EYS: variants seen among roughly 807,000 people sequenced by gnomAD.
EYS encodes EGF-like photoreceptor maintenance factor.
In EYS, 250 loss-of-function variants were observed where a neutral mutation model predicts 282.1. The ratio of observed to expected loss-of-function variants is 0.89; its 90% CI spans 0.80 to 0.98. The LOEUF (loss-of-function observed/expected upper bound fraction) is 0.98. Ranked by LOEUF, EYS falls within the 50% of genes least tolerant of loss-of-function variation. The pLI, the probability that EYS is intolerant of heterozygous loss-of-function variation, is 0.00. For missense variants in EYS, 4,016 were observed against 3,709.0 expected, an observed-to-expected ratio of 1.08 and a Z score of -2.15; for synonymous variants, 1,355 against 1,282.9, an observed-to-expected ratio of 1.06 and a Z score of -1.20.
chr6:63,894,440 A>G (rs1479210667), intron 35 of EYS, among the ~76,000 whole-genome samples: 1 of 152,214 alleles, frequency 6.6e-6, no homozygotes, highest in Non-Finnish European at 1.5e-5. Context: ...GGATGCCAGC[A>G]GCCACAAGAA....
chr6:64,662,682 T>C lies in EYS; in HGVS notation c.3444-36437A>G, dbSNP rs541027582. Among the ~76,000 whole-genome samples, 3 of 152,324 alleles carry C rather than the reference T, an allele frequency of 2.0e-5. No individual in the cohort carries two copies. The South Asian group carries it at 6.2e-4, about 32-fold the overall frequency. ...TTAGCCTTGCTTCGCTCATAGATTT[T>C]TTTTGTTTAGACTATGTTTTAGGTT... On this transcript the variant is annotated intron_variant, in intron 22 of 42. Transcript: ENST00000503581.
chr6:63,977,581 T>C (rs1490038008), intron 35 of EYS, among the ~76,000 whole-genome samples: 2 of 151,904 alleles, frequency 1.3e-5, no homozygotes, highest in Non-Finnish European at 2.9e-5. Flanking sequence ...GGTGAGGGGA[T>C]GTCAGCAGGT....
chr6:64,601,904 G>T (rs1373907216), intron 24 of EYS, among the ~76,000 whole-genome samples: 1 of 152,016 alleles, frequency 6.6e-6, no homozygotes, highest in East Asian at 1.9e-4. Context: ...TACAGGACAA[G>T]ATCTTTTCCT....
At chr6:65,408,582 T>C (rs1391067303) in intron 5 of EYS, among the ~76,000 whole-genome samples, 3 of 152,158 alleles carry the variant, frequency 2.0e-5, no homozygotes, top group Non-Finnish European at 2.9e-5. Context: ...TCACTTCCAA[T>C]GCTTATTTTA....
chr6:64,350,582 T>A (rs890134785), intron 29 of EYS, among the ~76,000 whole-genome samples: 2 of 151,470 alleles, frequency 1.3e-5, no homozygotes, highest in Non-Finnish European at 3.0e-5. Context: ...ACACTATCCC[T>A]CTCAAGTCTC....
chr6:65,444,844 A>G (rs1768591658), intron 5 of EYS, among the ~76,000 whole-genome samples: 1 of 152,116 alleles, frequency 6.6e-6, no homozygotes, highest in Non-Finnish European at 1.5e-5. Flanking sequence ...ATTTATACTT[A>G]GATGCTAGAA....
chr6:65,313,153 G>C (rs1326475153), intron 11 of EYS, among the ~76,000 whole-genome samples: 2 of 152,084 alleles, frequency 1.3e-5, no homozygotes, highest in Non-Finnish European at 2.9e-5. Flanking sequence ...TTTCCCCATA[G>C]GTAGGGCTGG....
intron 1 of EYS, among the ~76,000 whole-genome samples, chr6:65,683,929 T>C (rs1260944414): frequency 6.6e-6 from 1 of 152,072 alleles, no homozygotes; most frequent in African/African-American, 2.4e-5. Context: ...TTTATTTCAT[T>C]TTCTTTGCAA....
intron 35 of EYS, among the ~76,000 whole-genome samples, chr6:63,901,490 A>G (rs1032874751): frequency 6.6e-6 from 1 of 152,358 alleles, no homozygotes; most frequent in East Asian, 1.9e-4. Context: ...TTCAAATCGT[A>G]TGAAGAATAT....
intron 35 of EYS, among the ~76,000 whole-genome samples, chr6:63,950,207 C>A (rs1452974918): frequency 4.0e-5 from 6 of 148,662 alleles, no homozygotes; most frequent in Admixed American, 6.7e-5. Flanking sequence ...AAAAAAAAAA[C>A]AAAAAAAACA....
intron 13 of EYS, among the ~76,000 whole-genome samples, chr6:65,028,509 T>C (rs891626362): frequency 6.6e-6 from 1 of 152,026 alleles, no homozygotes; most frequent in African/African-American, 2.4e-5. Context: ...AATGTATACA[T>C]AAAATTTGCT....
At chr6:63,857,606 G>T in intron 36 of EYS, 1 of 385,878 alleles carries the variant, frequency 2.6e-6, no homozygotes, top group South Asian at 2.1e-5. Context: ...CCGTGTGATG[G>T]GGTCCACGTG....
At chr6:63,974,589 C>A in intron 35 of EYS, among the ~76,000 whole-genome samples, 1 of 151,774 alleles carries the variant, frequency 6.6e-6, no homozygotes, top group East Asian at 1.9e-4. Context: ...ATTTTCTTCC[C>A]CCTACTTGTT....
At chr6:65,215,522 G>A (rs1766291028) in intron 12 of EYS, among the ~76,000 whole-genome samples, 1 of 152,162 alleles carries the variant, frequency 6.6e-6, no homozygotes, top group African/African-American at 2.4e-5. Flanking sequence ...TTCTTGTGAA[G>A]GTGCTGTGAA....
At chr6:65,225,606 C>T (rs1582038027) in intron 12 of EYS, among the ~76,000 whole-genome samples, 3 of 151,068 alleles carry the variant, frequency 2.0e-5, no homozygotes, top group Admixed American at 6.6e-5. Flanking sequence ...CCCAGCTACT[C>T]GGGAGGCTGA....
chr6:64,173,006 C>T (rs554330547), intron 31 of EYS, among the ~76,000 whole-genome samples: 10 of 152,240 alleles, frequency 6.6e-5, no homozygotes, highest in Admixed American at 2.6e-4. Flanking sequence ...AAGAGACCAA[C>T]GCTGAATATC....
intron 5 of EYS, among the ~76,000 whole-genome samples, chr6:65,485,067 A>C (rs1562213370): frequency 6.6e-6 from 1 of 152,224 alleles, no homozygotes; most frequent in Non-Finnish European, 1.5e-5. Context: ...TTTACTATGC[A>C]CTGATGAACA....
At chr6:65,497,548 TA>T (rs1766297937) in intron 2 of EYS, among the ~76,000 whole-genome samples, 1 of 151,910 alleles carries the variant, frequency 6.6e-6, no homozygotes, top group Non-Finnish European at 1.5e-5. Flanking sequence ...CAATTAAAGA[TA>T]AGCACTCCAT....
At chr6:64,438,748 A>AT (rs891836574) in intron 27 of EYS, among the ~76,000 whole-genome samples, 35 of 151,524 alleles carry the variant, frequency 2.3e-4, no homozygotes, top group African/African-American at 8.0e-4. Context: ...ATGAATGTAA[A>AT]TTTTTCTCCG....
Sources: allele counts gnomAD v4.1 joint callset (sites outside exome capture counted in the v4.1 genomes callset), GRCh38; gene constraint gnomAD v4.1.1; transcripts MANE v1.5; gene names NCBI Gene and HGNC (gene_info 2026-07-23, HGNC 2026-07-21).